Variants in PDE1A observed in about 807,000 individuals in gnomAD.
PDE1A encodes phosphodiesterase 1A.
In PDE1A, 35 loss-of-function variants were observed where a neutral mutation model predicts 61.7. The ratio of observed to expected loss-of-function variants is 0.57; its 90% CI spans 0.43 to 0.75. The LOEUF is 0.75. PDE1A is among the 30% of genes least tolerant of loss of function. The probability of loss-of-function intolerance (pLI) is 0.00; values close to 1 mark genes in which losing one functional copy is unlikely to be tolerated. For missense variants in PDE1A, 597 were observed against 630.6 expected, an observed-to-expected ratio of 0.95 and a Z score of 0.57; for synonymous variants, 232 against 213.2, an observed-to-expected ratio of 1.09 and a Z score of -0.77.
intron 1 of PDE1A, among the ~76,000 whole-genome samples, chr2:182,408,600 C>A (rs542863654): frequency 6.6e-6 from 1 of 152,244 alleles, no homozygotes; most frequent in South Asian, 2.1e-4. Flanking sequence ...TAAATGAAGA[C>A]GTTAATTTTT....
chr2:182,244,503 TATGTGTACCC>T (rs1364081482), intron 2 of PDE1A, among the ~76,000 whole-genome samples: 31 of 152,168 alleles, frequency 2.0e-4, no homozygotes, highest in Non-Finnish European at 4.1e-4. Context: ...CTGACTGAGT[TATGTGTACCC>T]ATGTTTCACC....
chr2:182,253,990 C>CATT (rs1559256983), intron 2 of PDE1A, among the ~76,000 whole-genome samples: 2 of 151,952 alleles, frequency 1.3e-5, no homozygotes, highest in South Asian at 2.1e-4. Flanking sequence ...AAATGATTTT[C>CATT]ATTATTATTA....
At chr2:182,213,952 A>C (rs1469806795) in intron 7 of PDE1A, among the ~76,000 whole-genome samples, 4,942 of 127,424 alleles carry the variant, frequency 0.039, 149 homozygotes, top group Non-Finnish European at 0.06. Flanking sequence ...GAGCAACTCC[A>C]AGACACATAA....
intron 1 of PDE1A, among the ~76,000 whole-genome samples, chr2:182,303,544 T>C (rs963443626): frequency 7.2e-5 from 11 of 152,194 alleles, no homozygotes; most frequent in Non-Finnish European, 1.3e-4. Context: ...AGCTCTGTTA[T>C]TTTATTCTTA....
At chr2:182,672,394 G>A in the PDE1A span, among the ~76,000 whole-genome samples, 1 of 152,166 alleles carries the variant, frequency 6.6e-6, no homozygotes, top group African/African-American at 2.4e-5. Context: ...ACAAAAGTGT[G>A]AGATATCATG....
At chr2:182,333,187 C>T (rs372437914) in intron 1 of PDE1A, among the ~76,000 whole-genome samples, 1 of 152,096 alleles carries the variant, frequency 6.6e-6, no homozygotes, top group Non-Finnish European at 1.5e-5. Context: ...AGAAAATTAA[C>T]AAGGACATTC....
At chr2:182,437,271 G>A (rs890272840) in intron 2 of PDE1A, among the ~76,000 whole-genome samples, 3 of 151,992 alleles carry the variant, frequency 2.0e-5, no homozygotes, top group Admixed American at 6.6e-5. Flanking sequence ...TATCCCCAAC[G>A]TACAGAATGG....
chr2:182,350,298 CTA>C (rs1207380734), intron 1 of PDE1A, among the ~76,000 whole-genome samples: 1 of 152,110 alleles, frequency 6.6e-6, no homozygotes, highest in East Asian at 1.9e-4. Context: ...CAGTATTGGG[CTA>C]TGAGAGATGG....
chr2:182,241,941 C>A, intron 2 of PDE1A: 1 of 1,508,078 alleles, frequency 6.6e-7, no homozygotes, highest in Non-Finnish European at 8.8e-7. Flanking sequence ...TAGCCCATTT[C>A]AGCAAGTCAC....
At chr2:182,561,444 T>C in the PDE1A span, among the ~76,000 whole-genome samples, 1 of 152,182 alleles carries the variant, frequency 6.6e-6, no homozygotes, top group Non-Finnish European at 1.5e-5. Flanking sequence ...TACCATGCTG[T>C]TTTGGTTACT....
the PDE1A span, among the ~76,000 whole-genome samples, chr2:182,668,646 T>G: frequency 6.6e-6 from 1 of 152,020 alleles, no homozygotes; most frequent in Non-Finnish European, 1.5e-5. Flanking sequence ...AAATATGGCT[T>G]TATTCTCTCT....
the PDE1A span, among the ~76,000 whole-genome samples, chr2:182,537,454 C>T: frequency 6.6e-6 from 1 of 151,960 alleles, no homozygotes. Flanking sequence ...ACAATGAGAA[C>T]ATATGGACAC....
At chr2:182,568,228 C>T in the PDE1A span, among the ~76,000 whole-genome samples, 1 of 151,808 alleles carries the variant, frequency 6.6e-6, no homozygotes, top group Non-Finnish European at 1.5e-5. Context: ...TCTTTAATAA[C>T]GAGTTATTAA....
intron 1 of PDE1A, among the ~76,000 whole-genome samples, chr2:182,330,787 T>C (rs1194988207): frequency 6.6e-6 from 1 of 152,200 alleles, no homozygotes; most frequent in East Asian, 1.9e-4. Context: ...GACTAGTTTC[T>C]TGGTTTCTCT....
At chr2:182,296,277 T>G (rs1694878610) in intron 1 of PDE1A, among the ~76,000 whole-genome samples, 1 of 152,266 alleles carries the variant, frequency 6.6e-6, no homozygotes. Flanking sequence ...TTCTATCATC[T>G]TTTTCTTAGT....
intron 13 of PDE1A, among the ~76,000 whole-genome samples, chr2:182,160,833 C>T (rs1181907664): frequency 2.0e-5 from 3 of 152,158 alleles, no homozygotes; most frequent in Non-Finnish European, 2.9e-5. Flanking sequence ...AATACAGACA[C>T]TGATGCCAGG....
At chr2:182,301,220 C>T (rs1290623346) in intron 1 of PDE1A, among the ~76,000 whole-genome samples, 5 of 152,036 alleles carry the variant, frequency 3.3e-5, no homozygotes, top group South Asian at 2.1e-4. Context: ...TTGCATTACC[C>T]CAAATCTGCT....
chr2:182,160,119 A>G (rs528571360), intron 13 of PDE1A, among the ~76,000 whole-genome samples: 3 of 152,338 alleles, frequency 2.0e-5, no homozygotes, highest in Admixed American at 2.0e-4. Flanking sequence ...ATTGTCCAAG[A>G]TTACATAACT....
chr2:182,267,307 C>T (rs181343946), intron 1 of PDE1A, among the ~76,000 whole-genome samples: 8 of 151,970 alleles, frequency 5.3e-5, no homozygotes, highest in Admixed American at 1.3e-4. Context: ...GTATATAAAC[C>T]TATAATTGGA....
Sources: allele counts gnomAD v4.1 joint callset (sites outside exome capture counted in the v4.1 genomes callset), GRCh38; gene constraint gnomAD v4.1.1; transcripts MANE v1.5; gene names NCBI Gene and HGNC (gene_info 2026-07-23, HGNC 2026-07-21).